CHRM3: variants seen among roughly 807,000 people sequenced by gnomAD.
CHRM3 encodes the protein cholinergic receptor muscarinic 3.
A neutral mutation model predicts 41.8 loss-of-function variants in CHRM3; 11 were observed. The observed-to-expected ratio is 0.26, with a 90% confidence interval of 0.17 to 0.44. The LOEUF (loss-of-function observed/expected upper bound fraction) is 0.44. CHRM3 is among the 20% of genes least tolerant of loss of function. The pLI is 1.00. For missense variants in CHRM3, 571 were observed against 745.4 expected (o/e 0.77, Z 2.72); for synonymous variants, 297 against 301.4 (o/e 0.99, Z 0.15).
chr1:239,526,886 C>T, intron 2 of CHRM3, among the ~76,000 whole-genome samples: 1 of 152,062 alleles, frequency 6.6e-6, no homozygotes, highest in East Asian at 1.9e-4. Flanking sequence ...TTTGGGACTA[C>T]TAGGTAGGAG....
At chr1:239,597,177 T>A (rs1056548878) in intron 3 of CHRM3, among the ~76,000 whole-genome samples, 1 of 152,216 alleles carries the variant, frequency 6.6e-6, no homozygotes, top group African/African-American at 2.4e-5. Context: ...TGCCATTTTA[T>A]TATCATCAGC....
chr1:239,806,417 T>TACACAC (rs5782102), intron 5 of CHRM3, among the ~76,000 whole-genome samples: 2,807 of 146,072 alleles, frequency 0.019, 96 homozygotes, highest in African/African-American at 0.066. Flanking sequence ...AGGATGGAGT[T>TACACAC]ACACACACAC....
chr1:239,756,879 G>A (rs185664303), intron 5 of CHRM3, among the ~76,000 whole-genome samples: 84 of 152,222 alleles, frequency 5.5e-4, no homozygotes, highest in Non-Finnish European at 7.9e-4. Flanking sequence ...ATTTTGCACA[G>A]AGGTATATTT....
At chr1:239,485,841 TTC>T (rs1213031952) in intron 1 of CHRM3, among the ~76,000 whole-genome samples, 1 of 152,204 alleles carries the variant, frequency 6.6e-6, no homozygotes, top group African/African-American at 2.4e-5. Flanking sequence ...ACCTAATGTT[TTC>T]TGTCAGTCGG....
chr1:239,842,424 G>A (rs145646959), intron 6 of CHRM3, among the ~76,000 whole-genome samples: 1 of 151,900 alleles, frequency 6.6e-6, no homozygotes, highest in African/African-American at 2.4e-5. Context: ...TAGTAGAGAC[G>A]GGGTTTCACC....
chr1:239,791,660 G>A (rs1372140726), intron 5 of CHRM3, among the ~76,000 whole-genome samples: 1 of 152,182 alleles, frequency 6.6e-6, no homozygotes, highest in Non-Finnish European at 1.5e-5. Context: ...AGAGGGCTCA[G>A]TATAATCTCT....
At chr1:239,404,284 G>C (rs1660257574) in intron 1 of CHRM3, among the ~76,000 whole-genome samples, 1 of 144,474 alleles carries the variant, frequency 6.9e-6, no homozygotes, top group East Asian at 2.1e-4. Flanking sequence ...GCGAGACTCT[G>C]TCTCAAAAAA....
intron 1 of CHRM3, among the ~76,000 whole-genome samples, chr1:239,467,883 TCCA>T (rs951279869): frequency 1.4e-5 from 2 of 141,798 alleles, no homozygotes; most frequent in African/African-American, 2.9e-5. Flanking sequence ...CATCATTTTC[TCCA>T]CCAATTTTCC....
At chr1:239,661,872 C>CAAGGTATTAATAACA (rs1386083098) in intron 4 of CHRM3, among the ~76,000 whole-genome samples, 8 of 151,790 alleles carry the variant, frequency 5.3e-5, no homozygotes, top group Admixed American at 2.0e-4. Context: ...TACATTAATG[C>CAAGGTATTAATAACA]AAGGTATTAA....
intron 3 of CHRM3, among the ~76,000 whole-genome samples, chr1:239,582,897 ACT>A (rs1387583286): frequency 6.6e-6 from 1 of 151,954 alleles, no homozygotes; most frequent in African/African-American, 2.4e-5. Context: ...TTTATGAGAC[ACT>A]CTCTGATCTG....
chr1:239,812,201 A>G (rs925893875), intron 5 of CHRM3, among the ~76,000 whole-genome samples: 1 of 152,000 alleles, frequency 6.6e-6, no homozygotes. Context: ...CACCATGCCC[A>G]GCTAATTTTT....
At chr1:239,901,172 A>C (rs1421240702) in intron 6 of CHRM3, among the ~76,000 whole-genome samples, 1 of 152,144 alleles carries the variant, frequency 6.6e-6, no homozygotes, top group Admixed American at 6.5e-5. Context: ...AGTCTGATCA[A>C]TATTATCAGA....
chr1:239,416,705 G>T (rs1661528792), intron 1 of CHRM3, among the ~76,000 whole-genome samples: 1 of 152,162 alleles, frequency 6.6e-6, no homozygotes, highest in Non-Finnish European at 1.5e-5. Flanking sequence ...TGGAAGGCTA[G>T]GAGACTTTCT....
intron 5 of CHRM3, among the ~76,000 whole-genome samples, chr1:239,749,876 C>G (rs1025558752): frequency 5.9e-5 from 9 of 152,128 alleles, no homozygotes; most frequent in Admixed American, 2.0e-4. Flanking sequence ...AAGAAGTTTC[C>G]TGGCCAAATG....
rs562654475 is a variant in CHRM3, at chr1:239,387,709, T to A, written c.-521+482T>A. Among the ~76,000 whole-genome samples, 1 of 152,192 alleles carries A rather than the reference T, an allele frequency of 6.6e-6. No homozygotes were observed. The highest frequency in any genetic ancestry group is 1.5e-5 in the Non-Finnish European group (1 of 68,032). ...TCTCCCATCTCCCCATTTGGTTTCC[T>A]GTCATTTCTAAGAAGGCTAAAGCTG... On this transcript the variant is annotated intron_variant, in intron 1 of 6. Coordinates refer to ENST00000676153, the MANE Select transcript of CHRM3 (RefSeq NM_001375978.1). This position sits in a 1 kb window ranked among gnomAD's most constrained non-coding sequence, Gnocchi z 5.1.
intron 3 of CHRM3, among the ~76,000 whole-genome samples, chr1:239,559,792 T>C (rs1237003012): frequency 6.6e-6 from 1 of 152,220 alleles, no homozygotes; most frequent in Admixed American, 6.5e-5. Context: ...ACTGGAGTTA[T>C]GGAATTAATG....
chr1:239,706,023 A>G (rs1661125984), intron 5 of CHRM3, among the ~76,000 whole-genome samples: 2 of 150,604 alleles, frequency 1.3e-5, no homozygotes, highest in East Asian at 1.9e-4. Flanking sequence ...GAGAATGATT[A>G]TCATTTATTT....
chr1:239,537,359 T>G (rs1658303898), intron 2 of CHRM3, among the ~76,000 whole-genome samples: 1 of 152,104 alleles, frequency 6.6e-6, no homozygotes, highest in Admixed American at 6.6e-5. Context: ...AGGGAGATTT[T>G]TCTCATGGTG....
chr1:239,896,728 T>C (rs907184885), intron 6 of CHRM3, among the ~76,000 whole-genome samples: 2 of 152,152 alleles, frequency 1.3e-5, no homozygotes, highest in African/African-American at 4.8e-5. Flanking sequence ...CTGTGCATTG[T>C]AGGATGTTTA....
Sources: gnomAD v4.1 joint callset for allele counts (sites outside exome capture counted in the v4.1 genomes callset) on GRCh38, gnomAD v4.1.1 for gene constraint, Gnocchi (gnomAD v3.1) non-coding constraint, MANE v1.5 for transcripts, NCBI Gene and HGNC (gene_info 2026-07-23, HGNC 2026-07-21) for gene names.